Variants in TRAPPC12 observed in about 807,000 individuals in gnomAD.
TRAPPC12 encodes trafficking protein particle complex subunit 12, also known as TPR repeat protein 15.
TRAPPC12 carries 61 observed loss-of-function variants against 69.2 expected under a neutral mutation model. The ratio of observed to expected loss-of-function variants is 0.88; its 90% confidence interval spans 0.72 to 1.09. The LOEUF (loss-of-function observed/expected upper bound fraction) is 1.09. Ranked by LOEUF, TRAPPC12 falls within the 50% of genes least tolerant of loss-of-function variation. The probability of loss-of-function intolerance (pLI) is 0.00; values close to 1 mark genes in which losing one functional copy is unlikely to be tolerated. For missense variants in TRAPPC12, 1,101 were observed against 1,016.4 expected, an observed-to-expected ratio of 1.08 and a Z score of -1.13; for synonymous variants, 469 against 438.9, an observed-to-expected ratio of 1.07 and a Z score of -0.86.
chr2:3,479,564 C>T lies in TRAPPC12; in HGVS notation c.*103C>T. 7.0e-7 allele frequency: 1 copy of T among 1,431,644 alleles called. No individual in the cohort carries two copies. Among genetic ancestry groups the T allele is most frequent in the Non-Finnish European group, 9.5e-7 (1 of 1,050,150 alleles). The allele number at this position is 1,431,644 out of a possible 1,614,324, so 88.7% of individuals were successfully genotyped here. The stretch of plus-strand genomic sequence containing the variant: ...GAGGAACTCAATAAAACTCCTGCTT[C>T]ACTGGTGTCTGCTGCGTGTCTTCTT... On this transcript the variant is annotated 3_prime_UTR_variant, in exon 12 of 12. Coordinates refer to ENST00000324266, the MANE Select transcript of TRAPPC12 (RefSeq NM_016030.6).
chr2:3,474,875 GTGT>G (rs139222979), intron 9 of TRAPPC12, among the ~76,000 whole-genome samples: 3,653 of 152,274 alleles, frequency 0.024, 141 homozygotes, highest in African/African-American at 0.08. Context: ...ATCTGCCTTA[GTGT>G]TGTGTGCCTG....
rs1663271038 is a variant in TRAPPC12 at position 3,428,904 on chromosome 2, C to T, written c.1417+4241C>T. ...ACCTGGGTGTCCTCTCTTGATTTTC[C>T]TTTCTTGCTCCTCAATCTCCACCCC... On this transcript the variant is annotated intron_variant, in intron 5 of 11. Coordinates refer to ENST00000324266, the MANE Select transcript of TRAPPC12 (RefSeq NM_016030.6). Among the ~76,000 whole-genome samples, 6 of 152,142 alleles carry T rather than the reference C, an allele frequency of 3.9e-5. No individual in the cohort carries two copies. In the South Asian group the frequency reaches 1.2e-3, roughly 31 times the overall value.
At chr2:3,473,837 T>C (rs1324874143) in intron 9 of TRAPPC12, among the ~76,000 whole-genome samples, 1 of 152,234 alleles carries the variant, frequency 6.6e-6, no homozygotes, top group Non-Finnish European at 1.5e-5. Flanking sequence ...GTGGTAAATA[T>C]GAAAAGAACT....
intron 7 of TRAPPC12, chr2:3,458,057 GGGGACAGAGGCCTCTGCGTC>G (rs1428473735): frequency 1.9e-4 from 66 of 354,642 alleles, no homozygotes; most frequent in Middle Eastern, 4.1e-3. Flanking sequence ...CCTCTGCGTC[GGGGACAGAGGCCTCTGCGTC>G]GGGGACAGAG....
At chr2:3,438,521 CA>C (rs1664008619) in intron 5 of TRAPPC12, among the ~76,000 whole-genome samples, 1 of 140,794 alleles carries the variant, frequency 7.1e-6, no homozygotes, top group Admixed American at 7.0e-5. Flanking sequence ...TCAATCCCCC[CA>C]ATCCCCCTGG....
intron 3 of TRAPPC12, among the ~76,000 whole-genome samples, chr2:3,420,538 A>G (rs1662717958): frequency 6.6e-6 from 1 of 152,200 alleles, no homozygotes; most frequent in Non-Finnish European, 1.5e-5. Flanking sequence ...AAACTCAGCC[A>G]TTGCTGAGCC....
chr2:3,388,455 G>C lies in TRAPPC12; in HGVS notation c.832G>C (p.Glu278Gln). Residue 278 changes from glutamate to glutamine, a missense_variant, in exon 2 of 12, where the codon GAG (glutamate) becomes CAG (glutamine). Glu to Gln is a conservative substitution (Grantham distance 29, BLOSUM62 2). Transcript: ENST00000324266. The part of the protein sequence containing the change: ...PQAAAPPASP[E>Q]PFAHIQAVFA... ...GGCAGCTGCGCCCCCGGCGTCGCCAGAGCCTTTCGCGCACATCCAGGCAGT... is the reference window on the plus strand; with the variant it reads ...GGCAGCTGCGCCCCCGGCGTCGCCACAGCCTTTCGCGCACATCCAGGCAGT... 1 of 1,611,454 alleles carries C rather than the reference G, an allele frequency of 6.2e-7. No homozygotes were observed. Among genetic ancestry groups the C allele is most frequent in the Non-Finnish European group, 8.5e-7 (1 of 1,179,234 alleles).
chr2:3,424,667 A>C lies in TRAPPC12; in HGVS notation c.1417+4A>C. 1 of 1,586,888 alleles carries C rather than the reference A, an allele frequency of 6.3e-7. No homozygotes were observed. Among genetic ancestry groups the C allele is most frequent in the South Asian group, 1.1e-5 (1 of 87,000 alleles). ...CACGTGTACCCTGGGCGCAGGGGTA[A>C]GGCCATGGTATTTAATATTTGTACA... On this transcript the variant is annotated splice_donor_region_variant and intron_variant, in intron 5 of 11. Transcript: ENST00000324266.
At chr2:3,459,907 T>G (rs573032502) in intron 7 of TRAPPC12, 20 of 357,424 alleles carry the variant, frequency 5.6e-5, no homozygotes, top group Non-Finnish European at 1.0e-4. Context: ...CTTGTCGAGC[T>G]GCAGGCAATG....
intron 5 of TRAPPC12, among the ~76,000 whole-genome samples, chr2:3,427,801 G>A (rs1049422695): frequency 1.3e-5 from 2 of 151,954 alleles, no homozygotes; most frequent in Non-Finnish European, 2.9e-5. Flanking sequence ...GCTGAGGCAC[G>A]AGAATCTCTT....
At chr2:3,433,307 C>T (rs1024320544) in intron 5 of TRAPPC12, among the ~76,000 whole-genome samples, 7 of 152,190 alleles carry the variant, frequency 4.6e-5, no homozygotes, top group South Asian at 2.1e-4. Flanking sequence ...GAAAATGAGA[C>T]GGAAATGCCA....
Position 3,387,963 on chromosome 2 carries a change from G to T in TRAPPC12, c.340G>T (p.Ala114Ser). ...PAGTPSPSGE[A>S]DGDCAPEDAA... ...GGGCACCCCGAGTCCCAGCGGCGAG[G>T]CCGACGGCGACTGTGCCCCCGAGGA... is the stretch of plus-strand genomic sequence containing the variant. Residue 114 changes from alanine (A) to serine (S), a missense_variant, in exon 2 of 12, where the codon GCC (alanine) becomes TCC (serine). By Grantham distance (99) the Ala-to-Ser change is moderately conservative. Transcript: ENST00000324266. 1 of 1,480,456 alleles carries T rather than the reference G, an allele frequency of 6.8e-7. No individual in the cohort carries two copies. Among genetic ancestry groups the T allele is most frequent in the South Asian group, 1.3e-5 (1 of 75,778 alleles). The allele number at this position is 1,480,456 out of a possible 1,614,324, so 91.7% of individuals were successfully genotyped here.
At position 3,423,016 on chromosome 2, in the gene TRAPPC12, G is replaced by A. The variant is rs113753038; in HGVS notation, c.1278+1022G>A. ...GCTACTGGGGAGACTGAGGCAGGAA[G>A]ATCACTTGGGCCTGGGGCTTCTGGG... On this transcript the variant is annotated intron_variant, in intron 4 of 11. Coordinates refer to ENST00000324266, the MANE Select transcript of TRAPPC12 (RefSeq NM_016030.6). Among the ~76,000 whole-genome samples the A allele has an allele frequency of 7.9e-3, 1,201 of 152,350 alleles. 24 individuals are homozygous for A. Among genetic ancestry groups the A allele is most frequent in the African/African-American group, 0.027 (1,120 of 41,576 alleles).
rs548815706 is a variant in TRAPPC12, at chr2:3,406,153, G to A, written c.1164+4260G>A. ...CCCTCTCCTCCTTCCTCTGCACCAC[G>A]CTCCCCAAGCTGTGGAACTGTCACT... On this transcript the variant is annotated intron_variant, in intron 3 of 11. Transcript: ENST00000324266. Among the ~76,000 whole-genome samples the A allele has an allele frequency of 1.4e-3, 207 of 152,134 alleles. 1 individual carries two copies. The highest frequency in any genetic ancestry group is 3.4e-3 in the African/African-American group (141 of 41,496).
At chr2:3,429,122 C>T (rs1663285090) in intron 5 of TRAPPC12, among the ~76,000 whole-genome samples, 1 of 152,160 alleles carries the variant, frequency 6.6e-6, no homozygotes, top group South Asian at 2.1e-4. Flanking sequence ...ATTGAAAGCT[C>T]ACATTTGTGT....
rs1665786267 is a variant in TRAPPC12, at chr2:3,465,914, C to T, written c.1776+219C>T. The T allele has an allele frequency of 1.4e-5, 8 of 578,162 alleles. No homozygotes were observed. The South Asian group carries it at 1.6e-4, about 12-fold the overall frequency. 35.8% of individuals were successfully genotyped at this position (578,162 alleles called of 1,614,324 possible). A position where few individuals can be genotyped will look rare whatever the true frequency, so the allele number is the denominator to read the frequency against. On this transcript the variant is annotated intron_variant, in intron 9 of 11. Transcript: ENST00000324266. Reference sequence around the variant, plus strand: ...TTTGTGCCTGTTGCTAAATGTGAACCCACAGAAAGTGTCATCACAGCCACA... The same window carrying T: ...TTTGTGCCTGTTGCTAAATGTGAACTCACAGAAAGTGTCATCACAGCCACA...
At chr2:3,412,688 A>G (rs1301525891) in intron 3 of TRAPPC12, among the ~76,000 whole-genome samples, 1 of 152,178 alleles carries the variant, frequency 6.6e-6, no homozygotes, top group Non-Finnish European at 1.5e-5. Context: ...GCGGCCAGCT[A>G]CACCTTCATC....
intron 4 of TRAPPC12, among the ~76,000 whole-genome samples, chr2:3,423,134 G>A (rs1662905893): frequency 6.6e-6 from 1 of 152,186 alleles, no homozygotes; most frequent in South Asian, 2.1e-4. Flanking sequence ...TGCCTAAAGA[G>A]GGTGAACCAC....
chr2:3,398,406 G>A (rs1488087045), intron 2 of TRAPPC12, among the ~76,000 whole-genome samples: 1 of 152,146 alleles, frequency 6.6e-6, no homozygotes, highest in Admixed American at 6.5e-5. Flanking sequence ...TTTTTGTTCA[G>A]GTGGTCTCAT....
Sources: gnomAD v4.1 joint callset for allele counts (sites outside exome capture counted in the v4.1 genomes callset) on GRCh38, gnomAD v4.1.1 for gene constraint, MANE v1.5 for transcripts, NCBI Gene and HGNC (gene_info 2026-07-23, HGNC 2026-07-21) for gene names.